Variants in XKR6 observed in about 807,000 individuals in gnomAD.
XKR6 encodes XK related 6.
XKR6 carries 22 observed loss-of-function variants against 56.7 expected under a neutral mutation model. That is an observed-to-expected ratio of 0.39 (90% confidence interval 0.28 to 0.55). XKR6 has a LOEUF of 0.55. Among genes scored for constraint, XKR6 ranks in the 20% least tolerant of loss-of-function variants. XKR6 has a pLI of 0.66. For synonymous variants in XKR6, 524 were observed against 387.8 expected, an observed-to-expected ratio of 1.35 and a Z score of -4.13; for missense variants, 852 against 889.0, an observed-to-expected ratio of 0.96 and a Z score of 0.53.
intron 1 of XKR6, among the ~76,000 whole-genome samples, chr8:11,069,710 G>C (rs1055831724): frequency 5.6e-5 from 6 of 107,540 alleles, no homozygotes; most frequent in Admixed American, 2.3e-4. Flanking sequence ...ATAGGTGCAA[G>C]AGAGTTCAGG....
At chr8:10,998,295 A>C (rs1434961937) in intron 1 of XKR6, among the ~76,000 whole-genome samples, 2 of 152,078 alleles carry the variant, frequency 1.3e-5, no homozygotes, top group Non-Finnish European at 2.9e-5. Context: ...ACACACACAC[A>C]CACACCTCTT....
At chr8:11,132,586 T>G (rs1800159180) in intron 1 of XKR6, among the ~76,000 whole-genome samples, 1 of 151,984 alleles carries the variant, frequency 6.6e-6, no homozygotes, top group Admixed American at 6.6e-5. Flanking sequence ...GGTTTTGAAC[T>G]CCTGGCCTCA....
chr8:11,158,647 A>G (rs1801641965), intron 1 of XKR6, among the ~76,000 whole-genome samples: 1 of 152,190 alleles, frequency 6.6e-6, no homozygotes, highest in African/African-American at 2.4e-5. Context: ...AAACAAAACA[A>G]AACGTTTAAA....
rs543894859 is a variant in XKR6 at position 10,996,182 on chromosome 8, T to C, written c.765-71352A>G. ...CTTCTCAGGTCAATAATCTTTCTCATAGAAATTGACCAAAATATTGCACTG... is the reference window on the plus strand; with the variant it reads ...CTTCTCAGGTCAATAATCTTTCTCACAGAAATTGACCAAAATATTGCACTG... On this transcript the variant is annotated intron_variant, in intron 1 of 2. Transcript: ENST00000416569. Among the ~76,000 whole-genome samples, 7 of 152,342 alleles carry C rather than the reference T, an allele frequency of 4.6e-5. 1 individual carries two copies. The highest frequency in any genetic ancestry group is 1.4e-4 in the African/African-American group (6 of 41,578).
chr8:11,116,973 T>C (rs932406802), intron 1 of XKR6, among the ~76,000 whole-genome samples: 1 of 152,216 alleles, frequency 6.6e-6, no homozygotes, highest in Non-Finnish European at 1.5e-5. Flanking sequence ...GTCTTAACTT[T>C]TACTACTCAT....
intron 2 of XKR6, among the ~76,000 whole-genome samples, chr8:10,923,728 C>T (rs1800792165): frequency 6.6e-6 from 1 of 152,298 alleles, no homozygotes; most frequent in South Asian, 2.1e-4. Flanking sequence ...CCTCCTGGGG[C>T]ACCAAGAGGA....
chr8:11,127,523 C>G (rs894041701), intron 1 of XKR6, among the ~76,000 whole-genome samples: 1 of 152,200 alleles, frequency 6.6e-6, no homozygotes, highest in African/African-American at 2.4e-5. Flanking sequence ...AATCCACTCC[C>G]TGGCCTTTTC....
At chr8:10,940,020 A>C (rs575604691) in intron 1 of XKR6, among the ~76,000 whole-genome samples, 1 of 152,330 alleles carries the variant, frequency 6.6e-6, no homozygotes, top group Admixed American at 6.5e-5. Context: ...AGTGTTTGCG[A>C]GAAATCCTGC....
intron 1 of XKR6, among the ~76,000 whole-genome samples, chr8:11,190,340 C>A (rs929464398): frequency 6.6e-6 from 1 of 152,044 alleles, no homozygotes; most frequent in African/African-American, 2.4e-5. Flanking sequence ...AACTGCTGTT[C>A]TCAATGTTTC....
chr8:11,157,835 T>A (rs1490623252), intron 1 of XKR6, among the ~76,000 whole-genome samples: 1 of 151,922 alleles, frequency 6.6e-6, no homozygotes, highest in Middle Eastern at 3.2e-3. Flanking sequence ...TTTCTTAGAG[T>A]CTCTTTTATC....
At chr8:10,912,966 G>C (rs1025086156) in intron 2 of XKR6, among the ~76,000 whole-genome samples, 3 of 150,452 alleles carry the variant, frequency 2.0e-5, no homozygotes, top group Non-Finnish European at 4.4e-5. Flanking sequence ...TACATCTGTA[G>C]AGAGAAGATG....
chr8:11,178,130 A>G (rs1255436506), intron 1 of XKR6, among the ~76,000 whole-genome samples: 1 of 152,162 alleles, frequency 6.6e-6, no homozygotes, highest in Non-Finnish European at 1.5e-5. Flanking sequence ...AAACCACACC[A>G]TGGAGAAACA....
Position 11,135,174 on chromosome 8 carries a change from C to T in XKR6, c.764+65402G>A, listed in dbSNP as rs142271638. On this transcript the variant is annotated intron_variant, in intron 1 of 2. Coordinates refer to ENST00000416569, the MANE Select transcript of XKR6 (RefSeq NM_173683.4). Reference sequence around the variant, plus strand: ...CCTCCCGAGTAGCTGGGACTACAGGCGCCCACCAACAAGCCTGGCTAATTT... The same window carrying T: ...CCTCCCGAGTAGCTGGGACTACAGGTGCCCACCAACAAGCCTGGCTAATTT... 5.4e-4 allele frequency among the ~76,000 whole-genome samples: 82 copies of T among 151,406 alleles called. No homozygotes were observed. In the East Asian group the frequency reaches 0.014, roughly 26 times the overall value.
chr8:10,949,493 T>C (rs1041732243), intron 1 of XKR6, among the ~76,000 whole-genome samples: 1 of 152,176 alleles, frequency 6.6e-6, no homozygotes, highest in Non-Finnish European at 1.5e-5. Flanking sequence ...TCTCGCTCTG[T>C]AGCCAGGAAG....
At chr8:11,190,048 G>T (rs909152110) in intron 1 of XKR6, among the ~76,000 whole-genome samples, 11 of 151,884 alleles carry the variant, frequency 7.2e-5, no homozygotes, top group Admixed American at 5.9e-4. Flanking sequence ...TCCCAGCTAC[G>T]TGGGAGGCTG....
chr8:10,917,371 G>C (rs1316917943), intron 2 of XKR6, among the ~76,000 whole-genome samples: 2 of 152,258 alleles, frequency 1.3e-5, no homozygotes, highest in Admixed American at 6.5e-5. Context: ...ACTCCCAGGA[G>C]ATCCTGCCAA....
intron 1 of XKR6, among the ~76,000 whole-genome samples, chr8:11,182,630 G>A (rs2898267): frequency 0.024 from 3,612 of 152,266 alleles, 161 homozygotes; most frequent in African/African-American, 0.08. Flanking sequence ...AAAAGATTTT[G>A]TTTGTTCGTT....
At chr8:10,924,495 G>C in intron 2 of XKR6, 139 bp downstream of exon 2, 4 of 1,000,030 alleles carry the variant, frequency 4.0e-6, no homozygotes, top group Non-Finnish European at 5.8e-6. Context: ...CACTGCACTG[G>C]GGGCCGGGCG....
intron 1 of XKR6, chr8:11,002,407 G>A (rs1007859572): frequency 2.5e-6 from 1 of 398,438 alleles, no homozygotes; most frequent in Non-Finnish European, 5.3e-6. Flanking sequence ...CTGTTGGCCT[G>A]GGGGAGGCCC....
Sources: allele counts gnomAD v4.1 joint callset (sites outside exome capture counted in the v4.1 genomes callset), GRCh38; gene constraint gnomAD v4.1.1; transcripts MANE v1.5; gene names NCBI Gene and HGNC (gene_info 2026-07-23, HGNC 2026-07-21).